The following PDE4B variants were observed in gnomAD, a reference collection of about 807,000 sequenced individuals.
The protein encoded by PDE4B is phosphodiesterase 4B, also known as 3',5'-cyclic-AMP phosphodiesterase 4B.
PDE4B carries 20 observed loss-of-function variants against 82.2 expected under a neutral mutation model. The observed-to-expected ratio is 0.24, with a 90% CI of 0.17 to 0.35. The LOEUF is 0.35. Ranked by LOEUF, PDE4B falls within the 10% of genes least tolerant of loss-of-function variation. The probability of loss-of-function intolerance (pLI) is 1.00; values close to 1 mark genes in which losing one functional copy is unlikely to be tolerated. For missense variants in PDE4B, 655 were observed against 907.2 expected (o/e 0.72, Z 3.57); for synonymous variants, 320 against 318.9 (o/e 1.00, Z -0.04).
At chr1:65,992,911 C>A in intron 3 of PDE4B, 1 of 1,613,344 alleles carries the variant, frequency 6.2e-7, no homozygotes, top group Non-Finnish European at 8.5e-7. Context: ...CAAGACATGA[C>A]AGCAAAAGAT....
intron 3 of PDE4B, among the ~76,000 whole-genome samples, chr1:66,005,989 C>G (rs1392855048): frequency 6.6e-6 from 1 of 152,122 alleles, no homozygotes; most frequent in African/African-American, 2.4e-5. Flanking sequence ...TACCAGTGTT[C>G]ACGGAATGCT....
At chr1:65,825,412 A>G (rs1203034404) in intron 1 of PDE4B, among the ~76,000 whole-genome samples, 2 of 152,222 alleles carry the variant, frequency 1.3e-5, no homozygotes, top group Admixed American at 6.5e-5. Context: ...TCCTCCATAC[A>G]TATGCATAAG....
chr1:66,367,635 A>G (rs886628381), intron 13 of PDE4B, 61 bp from the exon 14 acceptor site: 4 of 1,377,768 alleles, frequency 2.9e-6, no homozygotes, highest in Non-Finnish European at 4.0e-6. Context: ...ACTTTGAGAT[A>G]ATGCCAACAT....
chr1:66,134,134 A>C (rs1488272835), intron 3 of PDE4B, among the ~76,000 whole-genome samples: 3 of 152,212 alleles, frequency 2.0e-5, no homozygotes, highest in African/African-American at 7.2e-5. Context: ...TGTTGAAACC[A>C]AAAGAACAGT....
At chr1:65,873,887 C>T (rs1284240546) in intron 1 of PDE4B, among the ~76,000 whole-genome samples, 1 of 151,952 alleles carries the variant, frequency 6.6e-6, no homozygotes, top group Non-Finnish European at 1.5e-5. Flanking sequence ...TTAGGATTGA[C>T]TTGGTGATGC....
intron 3 of PDE4B, among the ~76,000 whole-genome samples, chr1:66,120,994 T>G (rs931138928): frequency 2.0e-5 from 3 of 152,190 alleles, no homozygotes; most frequent in African/African-American, 7.2e-5. Context: ...CCCCATAGTG[T>G]CATGTACATT....
At chr1:66,358,916 G>T (rs1662527531) in intron 9 of PDE4B, among the ~76,000 whole-genome samples, 1 of 152,124 alleles carries the variant, frequency 6.6e-6, no homozygotes, top group Non-Finnish European at 1.5e-5. Flanking sequence ...AAAAAGTGGT[G>T]CAGGAGGACA....
chr1:66,288,019 C>T lies in PDE4B; in HGVS notation c.634+21932C>T, dbSNP rs72924483. Among the ~76,000 whole-genome samples, 1,073 of 151,924 alleles carry T rather than the reference C, an allele frequency of 7.1e-3. 14 individuals carry two copies. The highest frequency in any genetic ancestry group is 0.025 in the African/African-American group (1,022 of 41,424). ...CTGTATTAGCCCATTATTGCATTGCCGTAAAGAAATACCAAAGGTTAGGTA... is the reference window on the plus strand; with the variant it reads ...CTGTATTAGCCCATTATTGCATTGCTGTAAAGAAATACCAAAGGTTAGGTA... On this transcript the variant is annotated intron_variant, in intron 7 of 16. Transcript: ENST00000341517.
At chr1:65,940,146 T>C (rs1241205989) in intron 3 of PDE4B, among the ~76,000 whole-genome samples, 1 of 152,130 alleles carries the variant, frequency 6.6e-6, no homozygotes, top group African/African-American at 2.4e-5. Flanking sequence ...TGATGTTTGA[T>C]TGATACACAA....
At chr1:65,957,134 G>A (rs894190033) in intron 3 of PDE4B, among the ~76,000 whole-genome samples, 3 of 149,676 alleles carry the variant, frequency 2.0e-5, no homozygotes, top group Admixed American at 1.3e-4. Context: ...CTAATATTTT[G>A]TCTCAGGCTG....
chr1:66,048,015 AG>A (rs1654809293), intron 3 of PDE4B, among the ~76,000 whole-genome samples: 1 of 151,870 alleles, frequency 6.6e-6, no homozygotes, highest in African/African-American at 2.4e-5. Flanking sequence ...TGGCGTCTAC[AG>A]TTTGTCCTTG....
intron 3 of PDE4B, among the ~76,000 whole-genome samples, chr1:66,205,212 G>A (rs1649449925): frequency 6.6e-6 from 1 of 152,182 alleles, no homozygotes; most frequent in Admixed American, 6.5e-5. Flanking sequence ...TACAGCACAG[G>A]CTGGGGCAGA....
At position 65,999,604 on chromosome 1, in the gene PDE4B, G is replaced by A. The variant is rs149063833; in HGVS notation, c.281+80769G>A. Among the ~76,000 whole-genome samples the A allele has an allele frequency of 3.0e-3, 452 of 152,098 alleles. 3 individuals are homozygous for A. Among genetic ancestry groups the A allele is most frequent in the African/African-American group, 0.01 (425 of 41,486 alleles). ...TCCCTATCTAAAATAGCACCCTTTC[G>A]CCTTTTACTTCCTTGTCTTTTTGGT... On this transcript the variant is annotated intron_variant, in intron 3 of 16. Transcript: ENST00000341517.
chr1:66,111,071 T>C (rs1002789568), intron 3 of PDE4B, among the ~76,000 whole-genome samples: 2 of 152,084 alleles, frequency 1.3e-5, no homozygotes, highest in African/African-American at 4.8e-5. Context: ...TTAGCAAGAT[T>C]ATCAAATTAT....
chr1:66,228,856 G>A (rs1188290596), intron 3 of PDE4B, among the ~76,000 whole-genome samples: 2 of 152,108 alleles, frequency 1.3e-5, no homozygotes, highest in African/African-American at 4.8e-5. Context: ...AACGAGGAAA[G>A]GGTAAAAAGC....
intron 8 of PDE4B, among the ~76,000 whole-genome samples, chr1:66,354,184 A>G (rs1356480122): frequency 6.6e-6 from 1 of 152,152 alleles, no homozygotes; most frequent in African/African-American, 2.4e-5. Flanking sequence ...CCTTTTTTAA[A>G]TGTTTGCTTA....
intron 1 of PDE4B, among the ~76,000 whole-genome samples, chr1:65,876,145 C>T (rs1024553247): frequency 2.6e-5 from 4 of 151,952 alleles, no homozygotes; most frequent in African/African-American, 9.7e-5. Context: ...TATCCTAAAT[C>T]TTAATTTTTA....
rs1386174273 is a variant in PDE4B, at chr1:65,868,643, TA to T, written c.-70-44601del. Among the ~76,000 whole-genome samples the T allele has an allele frequency of 3.9e-5, 6 of 152,178 alleles. No individual in the cohort carries two copies. The East Asian group carries it at 1.2e-3, about 29-fold the overall frequency. On this transcript the variant is annotated intron_variant, in intron 1 of 16. Coordinates refer to ENST00000341517, the MANE Select transcript of PDE4B (RefSeq NM_002600.4). ...GGTCACCAAACTGGCAAAGGGACTG[TA>T]TAGCAGGGGGCCCCCAACCCCCAGG...
intron 3 of PDE4B, among the ~76,000 whole-genome samples, chr1:66,150,867 A>G (rs1019848162): frequency 1.3e-5 from 2 of 152,166 alleles, no homozygotes; most frequent in Non-Finnish European, 2.9e-5. Context: ...CCAACCTTGG[A>G]TTCCTGGGTT....
Sources: allele counts gnomAD v4.1 joint callset (sites outside exome capture counted in the v4.1 genomes callset), GRCh38; gene constraint gnomAD v4.1.1; transcripts MANE v1.5; gene names NCBI Gene and HGNC (gene_info 2026-07-23, HGNC 2026-07-21).